The following KCTD16 variants were observed in gnomAD, a reference collection of about 807,000 sequenced individuals.
KCTD16 encodes the protein BTB/POZ domain-containing protein KCTD16.
KCTD16 carries 13 observed loss-of-function variants against 33.2 expected under a neutral mutation model. The ratio of observed to expected loss-of-function variants is 0.39; its 90% confidence interval spans 0.25 to 0.62. The LOEUF (loss-of-function observed/expected upper bound fraction) is 0.62. KCTD16 is among the 20% of genes least tolerant of loss of function. The pLI is 0.50. For missense variants in KCTD16, 441 were observed against 525.1 expected (o/e 0.84, Z 1.57); for synonymous variants, 197 against 195.3 (o/e 1.01, Z -0.07).
At chr5:144,377,906 A>G (rs957466316) in intron 3 of KCTD16, 15 of 152,154 alleles carry the variant, frequency 9.9e-5, no homozygotes, top group African/African-American at 3.4e-4. Context: ...TTTCAATCTT[A>G]TATACTTTGT....
At chr5:144,468,841 A>G (rs1244556375) in intron 3 of KCTD16, among the ~76,000 whole-genome samples, 1 of 152,208 alleles carries the variant, frequency 6.6e-6, no homozygotes, top group Non-Finnish European at 1.5e-5. Context: ...GGTACATTGC[A>G]GAGCTTTTAA....
chr5:144,448,522 G>C (rs556178546), intron 3 of KCTD16, among the ~76,000 whole-genome samples: 1 of 152,008 alleles, frequency 6.6e-6, no homozygotes, highest in Non-Finnish European at 1.5e-5. Flanking sequence ...ATTTATATTC[G>C]TAACACTGAG....
intron 2 of KCTD16, among the ~76,000 whole-genome samples, chr5:144,203,402 C>T (rs1276916195): frequency 6.6e-6 from 1 of 152,032 alleles, no homozygotes; most frequent in Admixed American, 6.6e-5. Context: ...CCTCTCTATT[C>T]CTATTCAAGA....
intron 3 of KCTD16, among the ~76,000 whole-genome samples, chr5:144,224,284 T>A (rs1372630015): frequency 2.0e-5 from 3 of 152,024 alleles, no homozygotes; most frequent in Non-Finnish European, 4.4e-5. Context: ...TTTCTACAAC[T>A]GACTTTAAAT....
chr5:144,314,667 C>G (rs1751858221), intron 3 of KCTD16, among the ~76,000 whole-genome samples: 1 of 152,088 alleles, frequency 6.6e-6, no homozygotes, highest in Non-Finnish European at 1.5e-5. Flanking sequence ...ATGTTCTTCT[C>G]TTAGTTATAC....
chr5:144,380,096 G>C (rs1752178211), intron 3 of KCTD16, among the ~76,000 whole-genome samples: 1 of 152,112 alleles, frequency 6.6e-6, no homozygotes, highest in Non-Finnish European at 1.5e-5. Context: ...AAACCCCATA[G>C]TCTCTGACCA....
chr5:144,438,919 C>G (rs1753638798), intron 3 of KCTD16, among the ~76,000 whole-genome samples: 1 of 152,140 alleles, frequency 6.6e-6, no homozygotes, highest in Non-Finnish European at 1.5e-5. Context: ...CTTCCTCACT[C>G]TCCTTATTCG....
At chr5:144,463,785 A>G (rs1389641697) in intron 3 of KCTD16, among the ~76,000 whole-genome samples, 1 of 152,322 alleles carries the variant, frequency 6.6e-6, no homozygotes, top group East Asian at 1.9e-4. Flanking sequence ...ATCTCAAATA[A>G]GCCTCTGTAA....
intron 3 of KCTD16, chr5:144,377,833 C>A (rs1388673558): frequency 6.6e-6 from 1 of 152,154 alleles, no homozygotes; most frequent in Admixed American, 6.6e-5. Context: ...ATCTGGTAAA[C>A]CTCCCTTTCC....
intron 3 of KCTD16, among the ~76,000 whole-genome samples, chr5:144,228,326 G>A (rs969743110): frequency 2.6e-5 from 4 of 152,162 alleles, no homozygotes; most frequent in Admixed American, 6.5e-5. Flanking sequence ...TGCTTCAAGT[G>A]GGAGGGAATA....
chr5:144,275,377 C>T (rs1289801216), intron 3 of KCTD16, among the ~76,000 whole-genome samples: 2 of 152,196 alleles, frequency 1.3e-5, no homozygotes. Context: ...TCTCTTTCTT[C>T]CTCCCATGTC....
intron 3 of KCTD16, among the ~76,000 whole-genome samples, chr5:144,330,274 G>A (rs1752319592): frequency 2.6e-5 from 4 of 151,698 alleles, no homozygotes; most frequent in South Asian, 2.1e-4. Flanking sequence ...TTAGCCACGC[G>A]AGTTGGTGCA....
At chr5:144,236,937 C>T (rs886340577) in intron 3 of KCTD16, among the ~76,000 whole-genome samples, 1 of 152,046 alleles carries the variant, frequency 6.6e-6, no homozygotes, top group African/African-American at 2.4e-5. Context: ...TAGCACTGGA[C>T]TATATTTGAA....
intron 3 of KCTD16, among the ~76,000 whole-genome samples, chr5:144,219,278 AC>A (rs1753659996): frequency 6.6e-6 from 1 of 151,812 alleles, no homozygotes; most frequent in Non-Finnish European, 1.5e-5. Context: ...CAGTGGCATG[AC>A]CTTGGCTCAT....
intron 3 of KCTD16, among the ~76,000 whole-genome samples, chr5:144,449,120 GAAGTT>G (rs1032017607): frequency 2.6e-5 from 4 of 152,012 alleles, no homozygotes; most frequent in Non-Finnish European, 5.9e-5. Context: ...TAAATTTAAA[GAAGTT>G]AAGTATAGTT....
intron 3 of KCTD16, among the ~76,000 whole-genome samples, chr5:144,452,900 A>G (rs916479072): frequency 1.5e-4 from 23 of 152,170 alleles, no homozygotes; most frequent in Non-Finnish European, 7.3e-5. Context: ...GGTGCTTTGC[A>G]GACTATTATT....
chr5:144,416,462 C>T (rs561425499), intron 3 of KCTD16, among the ~76,000 whole-genome samples: 16 of 152,244 alleles, frequency 1.1e-4, no homozygotes, highest in Middle Eastern at 3.4e-3. Context: ...GAATGAGACA[C>T]ACCTCGGATA....
chr5:144,407,597 T>G (rs1472159185), intron 3 of KCTD16, among the ~76,000 whole-genome samples: 1 of 152,150 alleles, frequency 6.6e-6, no homozygotes, highest in Admixed American at 6.5e-5. Flanking sequence ...GTTACATAGG[T>G]ATACATGTGC....
intron 3 of KCTD16, among the ~76,000 whole-genome samples, chr5:144,465,050 A>C (rs1221415329): frequency 6.6e-6 from 1 of 152,140 alleles, no homozygotes; most frequent in African/African-American, 2.4e-5. Flanking sequence ...GAAGGTAGAG[A>C]TTAAGCATTG....
Sources: allele counts gnomAD v4.1 joint callset (sites outside exome capture counted in the v4.1 genomes callset), GRCh38; gene constraint gnomAD v4.1.1; transcripts MANE v1.5; gene names NCBI Gene and HGNC (gene_info 2026-07-23, HGNC 2026-07-21).